Variants in RC3H2 observed in about 807,000 individuals in gnomAD.
RC3H2 encodes the protein roquin-2.
A neutral mutation model predicts 133.3 loss-of-function variants in RC3H2; 31 were observed. The ratio of observed to expected loss-of-function variants is 0.23; its 90% CI spans 0.17 to 0.31. The LOEUF (loss-of-function observed/expected upper bound fraction) is 0.31. Ranked by LOEUF, RC3H2 falls within the 10% of genes least tolerant of loss-of-function variation. RC3H2 has a pLI of 1.00. For missense variants in RC3H2, 1,175 were observed against 1,437.2 expected (o/e 0.82, Z 2.95); for synonymous variants, 517 against 502.2 (o/e 1.03, Z -0.40).
At chr9:122,866,746 A>C (rs890412439) in intron 9 of RC3H2, among the ~76,000 whole-genome samples, 1 of 152,122 alleles carries the variant, frequency 6.6e-6, no homozygotes, top group Non-Finnish European at 1.5e-5. Flanking sequence ...GTGTGATCTC[A>C]GCTCGCTACA....
chr9:122,879,752 T>C lies in RC3H2; in HGVS notation c.1212+3A>G. 6.3e-7 allele frequency: 1 copy of C among 1,580,978 alleles called. No homozygotes were observed. The highest frequency in any genetic ancestry group is 1.1e-5 in the South Asian group (1 of 89,812). ...CAGTCAGAAATGTAATAAATGTACT[T>C]ACCTGAGGGGTCTCATGGCCTTTTC... is the stretch of plus-strand genomic sequence containing the variant. On this transcript the variant is annotated splice_donor_region_variant and intron_variant, in intron 8 of 20. Transcript: ENST00000357244.
intron 9 of RC3H2, among the ~76,000 whole-genome samples, chr9:122,866,859 G>A (rs1333567186): frequency 6.6e-6 from 1 of 151,752 alleles, no homozygotes; most frequent in Admixed American, 6.6e-5. Flanking sequence ...TCTCTGCCTG[G>A]CCGCCTATCG....
rs1832799066 is a variant in RC3H2, at chr9:122,905,270, G to A, written c.-228C>T. On this transcript the variant is annotated 5_prime_UTR_variant, in exon 1 of 21. Transcript: ENST00000357244. ...TACAGGGACAGCCCCGTTGGCGGCG[G>A]CGAAGGCCGCGACGGGGCCTCCTCC... 6.1e-6 allele frequency: 6 copies of A among 985,840 alleles called. No homozygotes were observed. Among genetic ancestry groups the A allele is most frequent in the Non-Finnish European group, 7.2e-6 (6 of 830,204 alleles). The allele number at this position is 985,840 out of a possible 1,614,324, so 61.1% of individuals were successfully genotyped here. A position where few individuals can be genotyped will look rare whatever the true frequency, so the allele number is the denominator to read the frequency against.
intron 4 of RC3H2, among the ~76,000 whole-genome samples, chr9:122,886,323 G>C (rs75461841): frequency 0.017 from 2,628 of 152,212 alleles, 88 homozygotes; most frequent in African/African-American, 0.06. Flanking sequence ...CATTCGGATT[G>C]TTTCCACCTT....
rs1829941877 is a variant in RC3H2, at chr9:122,849,566, A to G, written c.*61T>C. 1.3e-6 allele frequency: 1 copy of G among 766,246 alleles called. No homozygotes were observed. 47.5% of individuals were successfully genotyped at this position (766,246 alleles called of 1,614,324 possible). ...ACATTATATAATATATATTATATATATAAAAAGCTAGTGTAAATGCTTCCA... is the reference window on the plus strand; with the variant it reads ...ACATTATATAATATATATTATATATGTAAAAAGCTAGTGTAAATGCTTCCA... On this transcript the variant is annotated 3_prime_UTR_variant, in exon 21 of 21. Coordinates refer to ENST00000357244, the MANE Select transcript of RC3H2 (RefSeq NM_001100588.3).
intron 5 of RC3H2, among the ~76,000 whole-genome samples, chr9:122,882,796 T>C (rs1831707276): frequency 1.3e-5 from 2 of 152,214 alleles, no homozygotes; most frequent in Admixed American, 1.3e-4. Context: ...AGATTAAAGG[T>C]GTTAATCTAA....
Position 122,846,675 on chromosome 9 carries a change from A to T in RC3H2, c.*2952T>A, listed in dbSNP as rs1829875349. On this transcript the variant is annotated 3_prime_UTR_variant, in exon 21 of 21. Transcript: ENST00000357244. ...TTTCTGATTAGACAATAGGTAACATATGCAGTTTGGTTACCCACATTACAC... is the reference window on the plus strand; with the variant it reads ...TTTCTGATTAGACAATAGGTAACATTTGCAGTTTGGTTACCCACATTACAC... 1 of 152,212 alleles carries T rather than the reference A, an allele frequency of 6.6e-6. No individual in the cohort carries two copies. The highest frequency in any genetic ancestry group is 2.1e-4 in the South Asian group (1 of 4,832). The allele number at this position is 152,212 out of a possible 1,614,324, so 9.4% of individuals were successfully genotyped here.
chr9:122,865,449 C>G lies in RC3H2; in HGVS notation c.1534G>C (p.Asp512His). Residue 512 changes from aspartate to histidine, a missense_variant, in exon 10 of 21, where the codon GAC becomes CAC. Asp to His is a moderately conservative substitution (Grantham distance 81, BLOSUM62 -1). Transcript: ENST00000357244. ...GTCTCCAGAGCTCTTAAGGTACTGTCAGTACTACGTGAGATTAGCTGGGAA... is the reference window on the plus strand; with the variant it reads ...GTCTCCAGAGCTCTTAAGGTACTGTGAGTACTACGTGAGATTAGCTGGGAA... ...SVSQLISRST[D>H]STLRALETVK... The G allele has an allele frequency of 6.2e-7, 1 of 1,614,184 alleles. No individual in the cohort carries two copies. Among genetic ancestry groups the G allele is most frequent in the Non-Finnish European group, 8.5e-7 (1 of 1,180,030 alleles).
At chr9:122,895,921 A>C (rs1197003806) in intron 2 of RC3H2, among the ~76,000 whole-genome samples, 1 of 152,180 alleles carries the variant, frequency 6.6e-6, no homozygotes, top group Non-Finnish European at 1.5e-5. Flanking sequence ...ATGTTATTTC[A>C]AATCTAGAGT....
chr9:122,892,865 T>C (rs1391082985), intron 3 of RC3H2, 44 bp downstream of exon 3: 1 of 1,456,220 alleles, frequency 6.9e-7, no homozygotes, highest in Admixed American at 1.7e-5. Context: ...GTAAATGTAC[T>C]ACCAAGTCCT....
intron 8 of RC3H2, among the ~76,000 whole-genome samples, chr9:122,878,731 G>C (rs982915166): frequency 6.6e-6 from 1 of 151,442 alleles, no homozygotes; most frequent in Admixed American, 6.6e-5. Flanking sequence ...TAAGTATAAA[G>C]GATTATATCT....
intron 18 of RC3H2, 95 bp from the exon 19 acceptor site, chr9:122,851,531 C>T (rs1830017792): frequency 1.3e-6 from 2 of 1,495,542 alleles, no homozygotes; most frequent in South Asian, 1.3e-5. Flanking sequence ...TTTCCATGGT[C>T]TCCCTCTCAT....
chr9:122,856,276 G>A (rs1830245082), intron 13 of RC3H2, among the ~76,000 whole-genome samples: 2 of 152,054 alleles, frequency 1.3e-5, no homozygotes, highest in Admixed American at 1.3e-4. Flanking sequence ...TTTGAGACAG[G>A]GTCTCACTCC....
At position 122,896,120 on chromosome 9, in the gene RC3H2, TAAAA is replaced by T. The variant is rs10561653; in HGVS notation, c.231+1155_231+1158del. Among the ~76,000 whole-genome samples, 1,033 of 144,624 alleles carry T rather than the reference TAAAA, an allele frequency of 7.1e-3. 14 individuals are homozygous for T. The highest frequency in any genetic ancestry group is 0.024 in the African/African-American group (959 of 39,560). 94.9% of individuals were successfully genotyped at this position (144,624 alleles called of 152,430 possible). On this transcript the variant is annotated intron_variant, in intron 2 of 20. Coordinates refer to ENST00000357244, the MANE Select transcript of RC3H2 (RefSeq NM_001100588.3). ...CTAACACTAACAATAGCTGATGAGT[TAAAA>T]AAAAAAAAAAAAAACTTTACGAATT...
At chr9:122,878,149 C>T (rs1831420129) in intron 8 of RC3H2, among the ~76,000 whole-genome samples, 1 of 152,130 alleles carries the variant, frequency 6.6e-6, no homozygotes, top group Admixed American at 6.5e-5. Flanking sequence ...TCTTATGAGC[C>T]TAGGATGAAA....
At chr9:122,854,478 G>A (rs562386662) in intron 16 of RC3H2, 53 bp downstream of exon 16, 86 of 1,383,670 alleles carry the variant, frequency 6.2e-5, no homozygotes, top group Admixed American at 1.3e-4. Context: ...GTACCCTTAA[G>A]ATACATACAA....
chr9:122,871,303 CTT>C (rs984808700), intron 9 of RC3H2, among the ~76,000 whole-genome samples: 1 of 146,532 alleles, frequency 6.8e-6, no homozygotes. Context: ...GTTGTATCTT[CTT>C]TTTTTTTTTT....
intron 5 of RC3H2, among the ~76,000 whole-genome samples, chr9:122,881,937 T>G (rs914204837): frequency 6.6e-6 from 1 of 152,142 alleles, no homozygotes; most frequent in Non-Finnish European, 1.5e-5. Context: ...AGCTAATAGG[T>G]AGGCATATAT....
intron 3 of RC3H2, among the ~76,000 whole-genome samples, chr9:122,891,630 A>C (rs1832177604): frequency 6.6e-6 from 1 of 152,232 alleles, no homozygotes; most frequent in Non-Finnish European, 1.5e-5. Flanking sequence ...TATTTGGCTT[A>C]CTAATGTATC....
Sources: allele counts gnomAD v4.1 joint callset (sites outside exome capture counted in the v4.1 genomes callset), GRCh38; gene constraint gnomAD v4.1.1; transcripts MANE v1.5; gene names NCBI Gene and HGNC (gene_info 2026-07-23, HGNC 2026-07-21).